Variants in PAX5 observed in about 807,000 individuals in gnomAD.
The protein encoded by PAX5 is paired box 5, also known as paired box protein Pax-5.
In PAX5, 9 loss-of-function variants were observed where a neutral mutation model predicts 43.7. That is an observed-to-expected ratio of 0.21 (90% CI 0.12 to 0.36). The LOEUF (loss-of-function observed/expected upper bound fraction) is 0.36, where lower values mean the gene tolerates loss of function less well. Among genes scored for constraint, PAX5 ranks in the 10% least tolerant of loss-of-function variants. The pLI, the probability that PAX5 is intolerant of heterozygous loss-of-function variation, is 1.00. For missense variants in PAX5, 383 were observed against 532.7 expected, an observed-to-expected ratio of 0.72 and a Z score of 2.77; for synonymous variants, 228 against 214.3, an observed-to-expected ratio of 1.06 and a Z score of -0.56.
At chr9:36,920,204 A>G (rs1246127849) in intron 7 of PAX5, among the ~76,000 whole-genome samples, 2 of 152,254 alleles carry the variant, frequency 1.3e-5, no homozygotes, top group African/African-American at 4.8e-5. Context: ...AGAATATTCC[A>G]TAAACTTAGT....
chr9:36,966,404 G>T, intron 6 of PAX5, 145 bp downstream of exon 6: 1 of 803,638 alleles, frequency 1.2e-6, no homozygotes, highest in Non-Finnish European at 1.9e-6. Flanking sequence ...GACTGCCCAA[G>T]TTTGGCCAAG....
rs948493425 is a variant in PAX5, at chr9:36,882,644, A to G, written c.911-539T>C. ...AGGGGGCATATCTGCCTCAAACCTT[A>G]TAGTCCCATATCTGGCCTAGTACTG... On this transcript the variant is annotated intron_variant, in intron 7 of 9. Coordinates refer to ENST00000358127, the MANE Select transcript of PAX5 (RefSeq NM_016734.3). This position sits in a 1 kb window ranked among gnomAD's most constrained non-coding sequence, Gnocchi z 4.4. 1.3e-5 allele frequency among the ~76,000 whole-genome samples: 2 copies of G among 152,210 alleles called. No homozygotes were observed. The highest frequency in any genetic ancestry group is 2.9e-5 in the Non-Finnish European group (2 of 68,038).
intron 5 of PAX5, among the ~76,000 whole-genome samples, chr9:36,993,401 G>A (rs1396956420): frequency 2.0e-5 from 3 of 152,158 alleles, no homozygotes; most frequent in Non-Finnish European, 4.4e-5. Flanking sequence ...AGGGACCCAG[G>A]ACCAAACATT....
At position 37,015,640 on chromosome 9, in the gene PAX5, C is replaced by T. The variant is rs368741374; in HGVS notation, c.213-446G>A. On this transcript the variant is annotated intron_variant, in intron 2 of 9. Transcript: ENST00000358127. The surrounding 1 kb of genome is among the most constrained non-coding windows in gnomAD (Gnocchi z 4.4). Reference sequence around the variant, plus strand: ...TGTTGCCCAGGCTGGAATGCAATGGCGTGATCTTGGCTCACTGCAACCTCC... The same window carrying T: ...TGTTGCCCAGGCTGGAATGCAATGGTGTGATCTTGGCTCACTGCAACCTCC... Among the ~76,000 whole-genome samples the T allele has an allele frequency of 1.7e-4, 26 of 151,010 alleles. No individual in the cohort carries two copies. In the East Asian group the frequency reaches 4.5e-3, roughly 26 times the overall value.
chr9:36,948,881 C>T (rs1832770429), intron 6 of PAX5, among the ~76,000 whole-genome samples: 1 of 152,056 alleles, frequency 6.6e-6, no homozygotes, highest in African/African-American at 2.4e-5. Context: ...GATCCCTTTC[C>T]CACCATGACC....
At position 36,999,740 on chromosome 9, in the gene PAX5, G is replaced by A. The variant is rs9408283; in HGVS notation, c.604+2908C>T. 6.8e-3 allele frequency among the ~76,000 whole-genome samples: 1,035 copies of A among 152,316 alleles called. 12 individuals carry two copies. The highest frequency in any genetic ancestry group is 0.024 in the African/African-American group (984 of 41,558). On this transcript the variant is annotated intron_variant, in intron 5 of 9. Coordinates refer to ENST00000358127, the MANE Select transcript of PAX5 (RefSeq NM_016734.3). ...AACCCTCACAAATCCATGGTTTGCA[G>A]CTGCCATGGGCCAGCCGGCCAGTGT...
intron 5 of PAX5, among the ~76,000 whole-genome samples, chr9:36,967,973 C>T (rs1283634442): frequency 6.6e-6 from 1 of 152,176 alleles, no homozygotes; most frequent in Admixed American, 6.5e-5. Flanking sequence ...TCTGTTGAGT[C>T]TCAAGCTTGA....
chr9:36,914,546 T>C (rs969622888), intron 7 of PAX5, among the ~76,000 whole-genome samples: 1 of 152,244 alleles, frequency 6.6e-6, no homozygotes, highest in Non-Finnish European at 1.5e-5. Flanking sequence ...GTACATATTA[T>C]TTAATTATAC....
intron 9 of PAX5, among the ~76,000 whole-genome samples, chr9:36,846,554 A>G (rs1468597506): frequency 2.6e-5 from 4 of 152,132 alleles, no homozygotes; most frequent in Non-Finnish European, 4.4e-5. Flanking sequence ...CACTTTTCCT[A>G]CCTTCCTCTT....
At chr9:37,028,568 C>T (rs1564094841) in intron 1 of PAX5, among the ~76,000 whole-genome samples, 1 of 152,234 alleles carries the variant, frequency 6.6e-6, no homozygotes, top group African/African-American at 2.4e-5. Flanking sequence ...CTCTTTCCTG[C>T]CTCAGATCAG....
chr9:36,896,119 C>T (rs1397001855), intron 7 of PAX5, among the ~76,000 whole-genome samples: 10 of 152,120 alleles, frequency 6.6e-5, no homozygotes, highest in Non-Finnish European at 1.2e-4. Context: ...CCATAGTCAT[C>T]GGCTTCTCTG....
chr9:36,935,694 G>A (rs1292133165), intron 6 of PAX5, among the ~76,000 whole-genome samples: 1 of 152,242 alleles, frequency 6.6e-6, no homozygotes, highest in Admixed American at 6.5e-5. Context: ...GTCTAATGGA[G>A]CTCAGGAGTG....
At chr9:36,970,915 G>A (rs758729431) in intron 5 of PAX5, among the ~76,000 whole-genome samples, 11 of 152,152 alleles carry the variant, frequency 7.2e-5, no homozygotes, top group Admixed American at 1.3e-4. Flanking sequence ...GGTAAAGGTG[G>A]GAGGTAATTC....
chr9:36,863,216 C>T (rs1208143612), intron 8 of PAX5, among the ~76,000 whole-genome samples: 1 of 152,206 alleles, frequency 6.6e-6, no homozygotes, highest in Non-Finnish European at 1.5e-5. Context: ...TCCAATGGAT[C>T]TTCAAAGACA....
intron 2 of PAX5, among the ~76,000 whole-genome samples, chr9:37,016,193 A>G (rs1031747550): frequency 2.6e-5 from 4 of 152,326 alleles, no homozygotes; most frequent in Admixed American, 2.6e-4. Context: ...TTCCCCAATA[A>G]GGTAGCTTAC....
chr9:36,968,663 T>C (rs949174458), intron 5 of PAX5, among the ~76,000 whole-genome samples: 1 of 152,180 alleles, frequency 6.6e-6, no homozygotes, highest in African/African-American at 2.4e-5. Flanking sequence ...TTCCCCAGCC[T>C]GAAGCCTAGG....
chr9:36,933,143 CAAA>C (rs35734654), intron 6 of PAX5, among the ~76,000 whole-genome samples: 4 of 96,422 alleles, frequency 4.1e-5, no homozygotes, highest in Non-Finnish European at 6.2e-5. Flanking sequence ...GACCCTGTCT[CAAA>C]AAAAAAAAAA....
At chr9:37,006,843 G>A (rs1838442394) in intron 3 of PAX5, among the ~76,000 whole-genome samples, 1 of 152,210 alleles carries the variant, frequency 6.6e-6, no homozygotes, top group African/African-American at 2.4e-5. Context: ...AACATTACGA[G>A]TAAGCATCCC....
intron 7 of PAX5, among the ~76,000 whole-genome samples, chr9:36,920,001 A>G (rs1439190120): frequency 6.6e-6 from 1 of 152,162 alleles, no homozygotes; most frequent in Non-Finnish European, 1.5e-5. Flanking sequence ...AATTGCAGAT[A>G]TGGTGGAAAT....
Sources: gnomAD v4.1 joint callset for allele counts (sites outside exome capture counted in the v4.1 genomes callset) on GRCh38, gnomAD v4.1.1 for gene constraint, Gnocchi (gnomAD v3.1) non-coding constraint, MANE v1.5 for transcripts, NCBI Gene and HGNC (gene_info 2026-07-23, HGNC 2026-07-21) for gene names.